Variants in CDK17 observed in about 807,000 individuals in gnomAD.
CDK17 encodes cyclin-dependent kinase 17.
In CDK17, 24 loss-of-function variants were observed where a neutral mutation model predicts 77.6. The observed-to-expected ratio is 0.31, with a 90% confidence interval of 0.22 to 0.44. The LOEUF (loss-of-function observed/expected upper bound fraction) is 0.44, where lower values mean the gene tolerates loss of function less well. CDK17 is among the 20% of genes least tolerant of loss of function. CDK17 has a pLI of 1.00. For missense variants in CDK17, 429 were observed against 622.5 expected (o/e 0.69, Z 3.31); for synonymous variants, 203 against 210.4 (o/e 0.96, Z 0.30).
intron 1 of CDK17, among the ~76,000 whole-genome samples, chr12:96,362,086 G>A (rs1194619045): frequency 6.6e-6 from 1 of 152,084 alleles, no homozygotes; most frequent in African/African-American, 2.4e-5. Flanking sequence ...ATAGAATATA[G>A]CATTACTGAA....
chr12:96,322,109 T>C (rs1248822210), intron 3 of CDK17, among the ~76,000 whole-genome samples: 1 of 152,170 alleles, frequency 6.6e-6, no homozygotes, highest in Non-Finnish European at 1.5e-5. Flanking sequence ...AACAAACAAG[T>C]GTAGTTCTGA....
rs796700234 is a variant in CDK17 at position 96,368,823 on chromosome 12, G to C, written c.-30+31163C>G. Among the ~76,000 whole-genome samples the C allele has an allele frequency of 5.9e-3, 472 of 79,914 alleles. 58 individuals carry two copies. The highest frequency in any genetic ancestry group is 0.018 in the Middle Eastern group (3 of 166). 52.4% of individuals were successfully genotyped at this position (79,914 alleles called of 152,430 possible). On this transcript the variant is annotated intron_variant, in intron 1 of 16. Coordinates refer to ENST00000261211, the MANE Select transcript of CDK17 (RefSeq NM_002595.5). ...CTCTAAGACGGGGGGGGGGGGGGGG[G>C]GCACAATGAATAAGGCTGGAAAGGA...
intron 5 of CDK17, 115 bp from the exon 6 acceptor site, chr12:96,300,475 C>T: frequency 3.3e-6 from 2 of 608,600 alleles, no homozygotes; most frequent in East Asian, 6.3e-5. Context: ...TGGCTTACTG[C>T]AACCTCCACC....
chr12:96,334,695 T>G (rs768183853), intron 2 of CDK17, 24 bp downstream of exon 2: 1 of 1,222,124 alleles, frequency 8.2e-7, no homozygotes, highest in African/African-American at 1.5e-5. Context: ...GGAGGAAGCA[T>G]CTCCCCCTAT....
intron 1 of CDK17, among the ~76,000 whole-genome samples, chr12:96,392,935 T>C (rs1378869538): frequency 6.6e-6 from 1 of 152,238 alleles, no homozygotes; most frequent in Non-Finnish European, 1.5e-5. Flanking sequence ...CATTAAATTA[T>C]ATTGTTACAA....
chr12:96,294,882 A>T, intron 10 of CDK17, 117 bp downstream of exon 10: 1 of 802,946 alleles, frequency 1.2e-6, no homozygotes, highest in Non-Finnish European at 1.9e-6. Flanking sequence ...TCTGTGGGCT[A>T]CCGAGAAAAT....
At chr12:96,319,415 T>C (rs1438205897) in intron 3 of CDK17, among the ~76,000 whole-genome samples, 4 of 97,254 alleles carry the variant, frequency 4.1e-5, no homozygotes, top group Non-Finnish European at 8.2e-5. Flanking sequence ...TTCCAATCAA[T>C]AGAAAAAGAG....
At chr12:96,386,527 G>A (rs918234226) in intron 1 of CDK17, among the ~76,000 whole-genome samples, 6 of 151,932 alleles carry the variant, frequency 3.9e-5, no homozygotes, top group African/African-American at 1.2e-4. Flanking sequence ...GCATGGCGGC[G>A]GCACCTGTAA....
At chr12:96,350,711 A>G (rs1953297292) in intron 1 of CDK17, among the ~76,000 whole-genome samples, 1 of 152,154 alleles carries the variant, frequency 6.6e-6, no homozygotes, top group African/African-American at 2.4e-5. Flanking sequence ...ACCATATACA[A>G]GAGTTAACTG....
In CDK17 at chr12:96,311,668, A is replaced by G. The variant is rs185836818; in HGVS notation, c.418-491T>C. Reference sequence around the variant, plus strand: ...GAATCTTGCCTATATCATTGTATCAAGAAATTTAAGCCCTATAAAAAGAAA... The same window carrying G: ...GAATCTTGCCTATATCATTGTATCAGGAAATTTAAGCCCTATAAAAAGAAA... On this transcript the variant is annotated intron_variant, in intron 4 of 16. Transcript: ENST00000261211. Among the ~76,000 whole-genome samples the G allele has an allele frequency of 9.4e-4, 142 of 150,898 alleles. 1 individual carries two copies. Among genetic ancestry groups the G allele is most frequent in the Middle Eastern group, 3.4e-3 (1 of 294 alleles).
rs549547911 is a variant in CDK17, at chr12:96,279,890, G to A, written c.*352C>T. 3.6e-5 allele frequency: 7 copies of A among 191,888 alleles called. No individual in the cohort carries two copies. Among genetic ancestry groups the A allele is most frequent in the African/African-American group, 1.6e-4 (7 of 43,120 alleles). 11.9% of individuals were successfully genotyped at this position (191,888 alleles called of 1,614,324 possible). On this transcript the variant is annotated 3_prime_UTR_variant, in exon 17 of 17. Coordinates refer to ENST00000261211, the MANE Select transcript of CDK17 (RefSeq NM_002595.5). ...CTGCAACTTCTTCAGGCATTCAATT[G>A]TTGTGTTAAATAAACAGACAGTAGT...
intron 1 of CDK17, among the ~76,000 whole-genome samples, chr12:96,338,877 C>T (rs915087823): frequency 7.3e-5 from 11 of 151,086 alleles, no homozygotes; most frequent in African/African-American, 2.7e-4. Flanking sequence ...TCATATTGTT[C>T]TGCATCTACC....
chr12:96,365,770 GGTGCCATGCAC>G (rs529112837), intron 1 of CDK17, among the ~76,000 whole-genome samples: 1 of 152,296 alleles, frequency 6.6e-6, no homozygotes, highest in East Asian at 1.9e-4. Context: ...AGCTGGGCAT[GGTGCCATGCAC>G]CTATCATCCC....
At chr12:96,288,629 T>C (rs551213496) in intron 11 of CDK17, among the ~76,000 whole-genome samples, 1 of 152,338 alleles carries the variant, frequency 6.6e-6, no homozygotes, top group African/African-American at 2.4e-5. Flanking sequence ...GAATTAATTG[T>C]ACCTTATTCT....
At chr12:96,315,954 C>T (rs1171399916) in intron 3 of CDK17, among the ~76,000 whole-genome samples, 1 of 152,052 alleles carries the variant, frequency 6.6e-6, no homozygotes, top group Non-Finnish European at 1.5e-5. Flanking sequence ...AGGGAGGAGC[C>T]AAGATGGCCG....
chr12:96,300,276 G>A, intron 6 of CDK17, 28 bp downstream of exon 6: 2 of 1,471,450 alleles, frequency 1.4e-6, no homozygotes, highest in Non-Finnish European at 9.4e-7. Flanking sequence ...AAAAAAATGT[G>A]TCTTACATTT....
At chr12:96,331,616 G>A (rs1352080578) in intron 2 of CDK17, among the ~76,000 whole-genome samples, 1 of 152,046 alleles carries the variant, frequency 6.6e-6, no homozygotes, top group Non-Finnish European at 1.5e-5. Flanking sequence ...CTTCATATAT[G>A]ACTCAGTTAT....
At chr12:96,283,346 T>C (rs1476667693) in intron 14 of CDK17, among the ~76,000 whole-genome samples, 2 of 151,978 alleles carry the variant, frequency 1.3e-5, no homozygotes, top group Admixed American at 6.5e-5. Context: ...AGAGCATCAA[T>C]TGCAGAGAAT....
In CDK17 at chr12:96,392,147, A is replaced by G. The variant is rs189262637; in HGVS notation, c.-30+7839T>C. 1.1e-3 allele frequency among the ~76,000 whole-genome samples: 162 copies of G among 152,374 alleles called. 2 individuals are homozygous for G. Among genetic ancestry groups the G allele is most frequent in the Non-Finnish European group, 3.5e-4 (24 of 68,028 alleles). ...AACATAACATATTAAGTACTACAGTATACATAAATACTATATAGCAGAACC... is the reference window on the plus strand; with the variant it reads ...AACATAACATATTAAGTACTACAGTGTACATAAATACTATATAGCAGAACC... On this transcript the variant is annotated intron_variant, in intron 1 of 16. Coordinates refer to ENST00000261211, the MANE Select transcript of CDK17 (RefSeq NM_002595.5).
Sources: gnomAD v4.1 joint callset for allele counts (sites outside exome capture counted in the v4.1 genomes callset) on GRCh38, gnomAD v4.1.1 for gene constraint, MANE v1.5 for transcripts, NCBI Gene and HGNC (gene_info 2026-07-23, HGNC 2026-07-21) for gene names.